The following EPB41L2 variants were observed in gnomAD, a reference collection of about 807,000 sequenced individuals.
EPB41L2 encodes erythrocyte membrane protein band 4.1 like 2, also known as band 4.1-like protein 2.
A neutral mutation model predicts 113.0 loss-of-function variants in EPB41L2; 43 were observed. The ratio of observed to expected loss-of-function variants is 0.38; its 90% CI spans 0.30 to 0.49. The LOEUF (loss-of-function observed/expected upper bound fraction) is 0.49, where lower values mean the gene tolerates loss of function less well. Among genes scored for constraint, EPB41L2 ranks in the 20% least tolerant of loss-of-function variants. EPB41L2 has a pLI of 0.95. For missense variants in EPB41L2, 1,147 were observed against 1,223.4 expected, an observed-to-expected ratio of 0.94 and a Z score of 0.93; for synonymous variants, 442 against 436.7, an observed-to-expected ratio of 1.01 and a Z score of -0.15.
intron 1 of EPB41L2, among the ~76,000 whole-genome samples, chr6:131,056,267 T>C (rs1284701578): frequency 6.6e-6 from 1 of 152,246 alleles, no homozygotes; most frequent in Admixed American, 6.5e-5. Flanking sequence ...TCAACAAGTT[T>C]ACTGTGGTTA....
intron 1 of EPB41L2, among the ~76,000 whole-genome samples, chr6:131,051,983 C>T (rs1796662125): frequency 6.7e-6 from 1 of 149,308 alleles, no homozygotes; most frequent in Non-Finnish European, 1.5e-5. Context: ...GTCACCCAGG[C>T]TGGAGTGCAG....
intron 1 of EPB41L2, among the ~76,000 whole-genome samples, chr6:131,004,190 T>C (rs1182760436): frequency 2.0e-5 from 3 of 152,050 alleles, no homozygotes; most frequent in Non-Finnish European, 2.9e-5. Context: ...AGTCACCAGC[T>C]TGAAAAAAGA....
At chr6:131,023,954 A>T (rs1000588907) in intron 1 of EPB41L2, among the ~76,000 whole-genome samples, 3 of 152,032 alleles carry the variant, frequency 2.0e-5, no homozygotes, top group East Asian at 3.9e-4. Context: ...TGTGTATTGG[A>T]TACTCCCCCT....
chr6:130,875,534 C>T (rs1243252923), intron 14 of EPB41L2, among the ~76,000 whole-genome samples: 1 of 152,122 alleles, frequency 6.6e-6, no homozygotes, highest in Non-Finnish European at 1.5e-5. Context: ...CACGTGGATA[C>T]ATTTTCACAT....
intron 1 of EPB41L2, among the ~76,000 whole-genome samples, chr6:131,018,772 C>T (rs1473330580): frequency 1.3e-5 from 2 of 151,942 alleles, no homozygotes; most frequent in Non-Finnish European, 2.9e-5. Flanking sequence ...TGGATGTTTA[C>T]CCCATTTATT....
At chr6:130,948,612 T>G (rs559192851) in intron 3 of EPB41L2, among the ~76,000 whole-genome samples, 1 of 152,210 alleles carries the variant, frequency 6.6e-6, no homozygotes, top group South Asian at 2.1e-4. Flanking sequence ...TGGTCTAAAT[T>G]TACCAGTTTA....
At chr6:131,038,736 A>G (rs1793835863) in intron 1 of EPB41L2, among the ~76,000 whole-genome samples, 1 of 147,028 alleles carries the variant, frequency 6.8e-6, no homozygotes, top group Admixed American at 6.7e-5. Context: ...GTTTTTATTA[A>G]TATGGTATGC....
At chr6:130,929,633 G>A (rs1346603048) in intron 3 of EPB41L2, among the ~76,000 whole-genome samples, 1 of 152,094 alleles carries the variant, frequency 6.6e-6, no homozygotes, top group Admixed American at 6.5e-5. Flanking sequence ...TATGCAACTG[G>A]CAGAGAAAGA....
intron 1 of EPB41L2, among the ~76,000 whole-genome samples, chr6:131,009,672 C>T (rs1786449693): frequency 6.7e-6 from 1 of 149,136 alleles, no homozygotes; most frequent in African/African-American, 2.5e-5. Flanking sequence ...CCCACCCCCA[C>T]CAAAAAAAAA....
At chr6:131,044,802 T>C (rs1584748605) in intron 1 of EPB41L2, among the ~76,000 whole-genome samples, 1 of 152,212 alleles carries the variant, frequency 6.6e-6, no homozygotes, top group African/African-American at 2.4e-5. Flanking sequence ...GGAAAAAGAA[T>C]TTTTCAAGTT....
At chr6:130,901,242 A>C in intron 6 of EPB41L2, 62 bp from the exon 7 acceptor site, 1 of 1,470,078 alleles carries the variant, frequency 6.8e-7, no homozygotes, top group Non-Finnish European at 9.5e-7. Context: ...TGGAGCACTC[A>C]CAGTCCTTAA....
rs35081059 is a variant in EPB41L2, at chr6:130,965,644, CAA to C, written c.-14-9147_-14-9146del. ...AAGTGGCCAATGGATAAACAGTTAT[CAA>C]AAAAAAAAAAAAAAAGAAAGAAAGA... On this transcript the variant is annotated intron_variant, in intron 1 of 19. Transcript: ENST00000337057. Among the ~76,000 whole-genome samples the C allele has an allele frequency of 3.5e-3, 452 of 127,844 alleles. 10 individuals are homozygous for C. In the South Asian group the frequency reaches 0.057, roughly 16 times the overall value. The allele number at this position is 127,844 out of a possible 152,430, so 83.9% of individuals were successfully genotyped here.
chr6:131,014,156 G>C (rs1441362796), intron 1 of EPB41L2: 1 of 151,190 alleles, frequency 6.6e-6, no homozygotes, highest in Non-Finnish European at 1.5e-5. Flanking sequence ...ATCACATAAA[G>C]ACATCTGAGC....
chr6:131,033,001 G>A (rs909495093), intron 1 of EPB41L2, among the ~76,000 whole-genome samples: 5 of 152,004 alleles, frequency 3.3e-5, no homozygotes, highest in Non-Finnish European at 5.9e-5. Flanking sequence ...TCAGCCTCCC[G>A]AGTAGCTGGG....
chr6:130,845,528 C>T (rs1168530891), intron 19 of EPB41L2, among the ~76,000 whole-genome samples: 1 of 152,134 alleles, frequency 6.6e-6, no homozygotes, highest in Non-Finnish European at 1.5e-5. Context: ...CAGGCACATA[C>T]CATCACACCC....
chr6:130,852,704 C>A (rs1168233413), intron 19 of EPB41L2, among the ~76,000 whole-genome samples: 1 of 152,166 alleles, frequency 6.6e-6, no homozygotes, highest in Non-Finnish European at 1.5e-5. Flanking sequence ...ACAGGAGGAG[C>A]AACCCCATCA....
intron 1 of EPB41L2, among the ~76,000 whole-genome samples, chr6:131,046,706 G>A (rs1795530467): frequency 6.6e-6 from 1 of 151,998 alleles, no homozygotes; most frequent in South Asian, 2.1e-4. Flanking sequence ...CTTTTTTAAG[G>A]GGGAAGAAGG....
At chr6:130,942,268 G>A (rs1016027959) in intron 3 of EPB41L2, among the ~76,000 whole-genome samples, 2 of 152,184 alleles carry the variant, frequency 1.3e-5, no homozygotes, top group African/African-American at 4.8e-5. Flanking sequence ...CACAGGTGGA[G>A]ACAAGATTCT....
At chr6:131,040,065 T>C (rs1794135762) in intron 1 of EPB41L2, among the ~76,000 whole-genome samples, 1 of 152,218 alleles carries the variant, frequency 6.6e-6, no homozygotes, top group Non-Finnish European at 1.5e-5. Context: ...TATAGAGTGT[T>C]AACGTTGCAA....
Sources: gnomAD v4.1 joint callset for allele counts (sites outside exome capture counted in the v4.1 genomes callset) on GRCh38, gnomAD v4.1.1 for gene constraint, MANE v1.5 for transcripts, NCBI Gene and HGNC (gene_info 2026-07-23, HGNC 2026-07-21) for gene names.